TENT5D: variants seen among roughly 807,000 people sequenced by gnomAD.
The protein encoded by TENT5D is terminal nucleotidyltransferase 5D.
For synonymous variants in TENT5D, 103 were observed against 100.6 expected, an observed-to-expected ratio of 1.02 and a Z score of -0.15; for missense variants, 191 against 287.0, an observed-to-expected ratio of 0.67 and a Z score of 2.42.
At position 80,387,636 on chromosome X, in the gene TENT5D, G is replaced by A. The variant is rs189442009; in HGVS notation, c.-142+45072G>A. Among the ~76,000 whole-genome samples the A allele has an allele frequency of 2.7e-5, 3 of 111,441 alleles. No individual in the cohort carries two copies. In the Admixed American group the frequency reaches 2.9e-4, roughly 11 times the overall value. ...TGCTGAGCTGTCTGCAGCTGGGGGC[G>A]GAGTGACACAACCCCCGCTGTAGTC... On this transcript the variant is annotated intron_variant, in intron 3 of 4. Coordinates refer to the TENT5D transcript ENST00000538312.
chrX:80,435,990 C>T (rs1289645156), intron 1 of TENT5D, among the ~76,000 whole-genome samples: 1 of 111,744 alleles, frequency 8.9e-6, no homozygotes, highest in African/African-American at 3.2e-5. Flanking sequence ...GGTGTTGCAA[C>T]TAGGAATCTT....
chrX:80,406,230 A>G (rs1931491103), intron 3 of TENT5D, among the ~76,000 whole-genome samples: 1 of 112,492 alleles, frequency 8.9e-6, no homozygotes, highest in African/African-American at 3.2e-5. Flanking sequence ...CTCACCAGCA[A>G]CAGAACAAAG....
chrX:80,419,186 G>A (rs1003881721), upstream of TENT5D, among the ~76,000 whole-genome samples: 2 of 110,958 alleles, frequency 1.8e-5, no homozygotes, highest in African/African-American at 6.5e-5. Flanking sequence ...ACACTCAAAA[G>A]TTTAAAATTA....
At chrX:80,351,939 A>C (rs1930185867) in intron 3 of TENT5D, among the ~76,000 whole-genome samples, 1 of 111,830 alleles carries the variant, frequency 8.9e-6, no homozygotes, top group Admixed American at 9.5e-5. Context: ...CTGGAGGTCT[A>C]CTCTAGACCC....
chrX:80,409,747 T>C (rs1176792708), intron 3 of TENT5D, among the ~76,000 whole-genome samples: 5 of 107,210 alleles, frequency 4.7e-5, no homozygotes, highest in African/African-American at 1.0e-4. Context: ...AAAAAACTAC[T>C]TTAAAGTTCA....
intron 3 of TENT5D, among the ~76,000 whole-genome samples, chrX:80,347,003 G>T (rs1211540567): frequency 2.7e-5 from 3 of 111,615 alleles, no homozygotes; most frequent in Non-Finnish European, 5.6e-5. Context: ...CAAAGGACAT[G>T]AACTCATTCT....
At chrX:80,369,644 C>T (rs1168835880) in intron 3 of TENT5D, among the ~76,000 whole-genome samples, 1 of 112,106 alleles carries the variant, frequency 8.9e-6, no homozygotes, top group Non-Finnish European at 1.9e-5. Context: ...CACTTGTTCA[C>T]TTCTATATTT....
At chrX:80,345,508 A>T (rs904478540) in intron 3 of TENT5D, among the ~76,000 whole-genome samples, 1 of 111,072 alleles carries the variant, frequency 9.0e-6, no homozygotes, top group East Asian at 2.9e-4. Context: ...GGAGGTGAGA[A>T]GTTGCAACAT....
intron 3 of TENT5D, among the ~76,000 whole-genome samples, chrX:80,397,764 C>CA (rs1447688085): frequency 1.8e-5 from 2 of 112,528 alleles, no homozygotes; most frequent in Non-Finnish European, 3.8e-5. Flanking sequence ...CCGTCTCCAC[C>CA]AAAAAAATAC....
At chrX:80,435,554 A>G (rs1932167966) in intron 1 of TENT5D, among the ~76,000 whole-genome samples, 1 of 112,481 alleles carries the variant, frequency 8.9e-6, no homozygotes. Flanking sequence ...AAGTCCTCAA[A>G]GAGGGACAGA....
chrX:80,374,206 G>T (rs778084239), intron 3 of TENT5D, among the ~76,000 whole-genome samples: 24 of 111,702 alleles, frequency 2.1e-4, no homozygotes, highest in African/African-American at 7.5e-4. Context: ...GTATTCCATG[G>T]TGTATATACA....
chrX:80,368,780 A>G (rs1042278067), intron 3 of TENT5D, among the ~76,000 whole-genome samples: 4 of 112,070 alleles, frequency 3.6e-5, no homozygotes, highest in African/African-American at 1.3e-4. Context: ...TTATATAGTT[A>G]TTCAGTCAGT....
At chrX:80,340,913 A>G (rs376046307) in intron 2 of TENT5D, among the ~76,000 whole-genome samples, 2 of 112,654 alleles carry the variant, frequency 1.8e-5, no homozygotes, top group South Asian at 3.7e-4. Context: ...CAATAGCAAC[A>G]GAAATATCTT....
intron 3 of TENT5D, among the ~76,000 whole-genome samples, chrX:80,358,251 A>T (rs970210554): frequency 9.0e-5 from 10 of 111,405 alleles, no homozygotes; most frequent in Admixed American, 3.8e-4. Context: ...GGACATAGGC[A>T]TGGGCAAGGA....
chrX:80,415,335 C>CTAGCTGGCAGTACTAGCTG (rs1931747853), intron 3 of TENT5D, among the ~76,000 whole-genome samples: 1 of 111,264 alleles, frequency 9.0e-6, no homozygotes, highest in African/African-American at 3.3e-5. Context: ...ACTGCCAGTA[C>CTAGCTGGCAGTACTAGCTG]TGTGTTGAAT....
At chrX:80,376,416 A>G (rs1454184719) in intron 3 of TENT5D, among the ~76,000 whole-genome samples, 2 of 111,580 alleles carry the variant, frequency 1.8e-5, no homozygotes, top group African/African-American at 6.5e-5. Flanking sequence ...TTTCTTTAGC[A>G]TGTTACTTTC....
intron 3 of TENT5D, among the ~76,000 whole-genome samples, chrX:80,397,073 G>T (rs1189432557): frequency 1.0e-5 from 1 of 97,735 alleles, no homozygotes; most frequent in Non-Finnish European, 2.1e-5. Context: ...GCCGGGCGGA[G>T]ATGCTCCTCA....
intron 3 of TENT5D, among the ~76,000 whole-genome samples, chrX:80,379,342 C>T (rs1038493647): frequency 3.6e-5 from 4 of 109,678 alleles, no homozygotes; most frequent in African/African-American, 9.9e-5. Context: ...CTGCTGAATT[C>T]GGTTTGCCAG....
chrX:80,390,983 A>G (rs1931114320), intron 3 of TENT5D, among the ~76,000 whole-genome samples: 1 of 112,283 alleles, frequency 8.9e-6, no homozygotes, highest in African/African-American at 3.2e-5. Flanking sequence ...ATGAAACAGA[A>G]GAACTGAATT....
Sources: allele counts gnomAD v4.1 joint callset (sites outside exome capture counted in the v4.1 genomes callset), GRCh38; gene constraint gnomAD v4.1.1; transcripts MANE v1.5; gene names NCBI Gene and HGNC (gene_info 2026-07-23, HGNC 2026-07-21).